Variants in INPP5A observed in about 807,000 individuals in gnomAD.
INPP5A encodes 43 kDa inositol polyphosphate 5-phophatase.
INPP5A carries 14 observed loss-of-function variants against 65.2 expected under a neutral mutation model. The ratio of observed to expected loss-of-function variants is 0.21; its 90% CI spans 0.14 to 0.34. The LOEUF is 0.34. Among genes scored for constraint, INPP5A ranks in the 10% least tolerant of loss-of-function variants. INPP5A has a pLI of 1.00. For synonymous variants in INPP5A, 207 were observed against 208.3 expected (o/e 0.99, Z 0.05); for missense variants, 431 against 545.6 (o/e 0.79, Z 2.09).
Position 132,765,827 on chromosome 10 carries a change from G to A in INPP5A, c.958G>A (p.Asp320Asn), listed in dbSNP as rs778381373. The A allele has an allele frequency of 5.0e-6, 8 of 1,602,976 alleles. No individual in the cohort carries two copies. In the South Asian group the frequency reaches 8.8e-5, roughly 18 times the overall value. Reference sequence around the variant, plus strand: ...CTTTAAGGACAGACTGTATGAACTGGACATCTCGTTCCCTCCCAGGTATGG... The same window carrying A: ...CTTTAAGGACAGACTGTATGAACTGAACATCTCGTTCCCTCCCAGGTATGG... Reference protein sequence around the residue: ...SVFKDRLYELDISFPPSYPYS... With the variant: ...SVFKDRLYELNISFPPSYPYS... The change falls in exon 12 of 16, where the codon GAC (aspartate) becomes AAC (asparagine). Residue 320 changes from aspartate (D) to asparagine (N), a missense_variant. Transcript: ENST00000368594.
At chr10:132,730,769 C>G (rs905389766) in intron 9 of INPP5A, among the ~76,000 whole-genome samples, 1 of 152,196 alleles carries the variant, frequency 6.6e-6, no homozygotes, top group African/African-American at 2.4e-5. Flanking sequence ...GTTGGCGTGT[C>G]CTGCTGTGAG....
chr10:132,635,782 T>A (rs189591282), intron 2 of INPP5A, among the ~76,000 whole-genome samples: 56 of 151,124 alleles, frequency 3.7e-4, no homozygotes, highest in Non-Finnish European at 1.5e-5. Context: ...CTGAGCAACA[T>A]AGCAAGATCC....
At chr10:132,572,882 C>T (rs1468593981) in intron 1 of INPP5A, among the ~76,000 whole-genome samples, 2 of 152,174 alleles carry the variant, frequency 1.3e-5, no homozygotes, top group Non-Finnish European at 2.9e-5. Flanking sequence ...ATTGAAAGAA[C>T]TTGTTTAAAG....
Position 132,660,012 on chromosome 10 carries a change from G to A in INPP5A, c.306+9507G>A, listed in dbSNP as rs186401642. On this transcript the variant is annotated intron_variant, in intron 4 of 15. Coordinates refer to ENST00000368594, the MANE Select transcript of INPP5A (RefSeq NM_005539.5). The stretch of plus-strand genomic sequence containing the variant: ...CAACACATTCTCATGCTCCGCCGAC[G>A]CGTGACCCACGGCACGTTCCCGCGC... Among the ~76,000 whole-genome samples, 399 of 152,336 alleles carry A rather than the reference G, an allele frequency of 2.6e-3. 1 individual carries two copies. Among genetic ancestry groups the A allele is most frequent in the African/African-American group, 9.2e-3 (383 of 41,584 alleles).
At position 132,596,807 on chromosome 10, in the gene INPP5A, TTGTG is replaced by T. The variant is rs565644183; in HGVS notation, c.76-11102_76-11099del. On this transcript the variant is annotated intron_variant, in intron 1 of 15. Transcript: ENST00000368594. ...TGCAGGCTCCTGTACATGTGCGCGT[TTGTG>T]TGTGTCCATGTGTTTGCTTGTGTGC... Among the ~76,000 whole-genome samples, 6 of 134,894 alleles carry T rather than the reference TTGTG, an allele frequency of 4.4e-5. No homozygotes were observed. The South Asian group carries it at 1.5e-3, about 34-fold the overall frequency. The allele number at this position is 134,894 out of a possible 152,430, so 88.5% of individuals were successfully genotyped here. A position where few individuals can be genotyped will look rare whatever the true frequency, so the allele number is the denominator to read the frequency against.
intron 1 of INPP5A, among the ~76,000 whole-genome samples, chr10:132,596,679 C>T (rs990301981): frequency 6.6e-6 from 1 of 152,218 alleles, no homozygotes; most frequent in Admixed American, 6.5e-5. Flanking sequence ...ATCCACCCTC[C>T]TTGGCCTCCC....
intron 1 of INPP5A, among the ~76,000 whole-genome samples, chr10:132,579,276 C>T (rs1049046291): frequency 2.0e-5 from 3 of 151,960 alleles, no homozygotes; most frequent in African/African-American, 7.3e-5. Flanking sequence ...GAGTGGGGCT[C>T]CTGGTGTCTG....
chr10:132,765,436 G>A (rs535042070), intron 11 of INPP5A, among the ~76,000 whole-genome samples: 1 of 152,352 alleles, frequency 6.6e-6, no homozygotes, highest in African/African-American at 2.4e-5. Context: ...TGCTGGGGGA[G>A]CCAGCACTAG....
intron 11 of INPP5A, among the ~76,000 whole-genome samples, chr10:132,764,828 G>C (rs563263923): frequency 7.0e-6 from 1 of 142,176 alleles, no homozygotes; most frequent in South Asian, 2.4e-4. Flanking sequence ...GAGGGTGTGT[G>C]TGGTGACACT....
chr10:132,775,204 AGAG>A (rs1285247290), intron 12 of INPP5A, among the ~76,000 whole-genome samples: 168 of 10,480 alleles, frequency 0.016, 1 homozygote, highest in Middle Eastern at 0.1. Flanking sequence ...GGCAGGGAGG[AGAG>A]GGGGCAGGGG....
chr10:132,745,616 C>T lies in INPP5A; in HGVS notation c.733-3901C>T, dbSNP rs541427806. 4.3e-5 allele frequency among the ~76,000 whole-genome samples: 5 copies of T among 115,370 alleles called. No homozygotes were observed. The East Asian group carries it at 1.2e-3, about 27-fold the overall frequency. 75.7% of individuals were successfully genotyped at this position (115,370 alleles called of 152,430 possible). A position where few individuals can be genotyped will look rare whatever the true frequency, so the allele number is the denominator to read the frequency against. On this transcript the variant is annotated intron_variant, in intron 9 of 15. Coordinates refer to ENST00000368594, the MANE Select transcript of INPP5A (RefSeq NM_005539.5). ...TGTGGTGGGCCCACAGTGTGTCAGA[C>T]CCTGGGTGTGGTGGGCCTCGGGCGT...
intron 4 of INPP5A, among the ~76,000 whole-genome samples, chr10:132,656,436 C>G (rs1373367573): frequency 6.6e-6 from 1 of 152,228 alleles, no homozygotes. Flanking sequence ...TCCAGGGACA[C>G]CCCTGCCCCC....
chr10:132,663,994 G>A lies in INPP5A; in HGVS notation c.306+13489G>A, dbSNP rs562018465. On this transcript the variant is annotated intron_variant, in intron 4 of 15. Transcript: ENST00000368594. The surrounding 1 kb of genome is among the most constrained non-coding windows in gnomAD (Gnocchi z 4.5). ...AGCCCAGGAAACAAACACGCCGCGCGAAAGGTATTGGTGAACGAACTGAAA... is the reference window on the plus strand; with the variant it reads ...AGCCCAGGAAACAAACACGCCGCGCAAAAGGTATTGGTGAACGAACTGAAA... Among the ~76,000 whole-genome samples, 3 of 152,394 alleles carry A rather than the reference G, an allele frequency of 2.0e-5. No homozygotes were observed. Among genetic ancestry groups the A allele is most frequent in the African/African-American group, 4.8e-5 (2 of 41,602 alleles).
At chr10:132,553,870 G>T (rs558518697) in intron 1 of INPP5A, among the ~76,000 whole-genome samples, 1 of 146,498 alleles carries the variant, frequency 6.8e-6, no homozygotes, top group East Asian at 2.2e-4. Context: ...AGCCTTGGTG[G>T]CATATTGGGT....
intron 1 of INPP5A, among the ~76,000 whole-genome samples, chr10:132,557,540 C>A (rs2071142984): frequency 6.6e-6 from 1 of 152,178 alleles, no homozygotes; most frequent in Non-Finnish European, 1.5e-5. Flanking sequence ...TGTGTAGGGC[C>A]GAGTCAATTT....
intron 4 of INPP5A, among the ~76,000 whole-genome samples, chr10:132,662,716 C>T (rs1035472542): frequency 2.0e-5 from 3 of 152,154 alleles, no homozygotes; most frequent in African/African-American, 7.2e-5. Context: ...AGGCAGCTGT[C>T]CCTTCCACAC....
At chr10:132,615,717 G>T (rs1306228187) in intron 2 of INPP5A, among the ~76,000 whole-genome samples, 5 of 152,198 alleles carry the variant, frequency 3.3e-5, no homozygotes, top group Non-Finnish European at 7.3e-5. Flanking sequence ...ACTGAGGTGG[G>T]CACCCTTGCT....
At chr10:132,755,062 TGC>T (rs1846569025) in intron 11 of INPP5A, among the ~76,000 whole-genome samples, 1 of 151,802 alleles carries the variant, frequency 6.6e-6, no homozygotes, top group Non-Finnish European at 1.5e-5. Flanking sequence ...TGTGATCATA[TGC>T]GTGTGTGTGA....
rs1210692866 is a variant in INPP5A at position 132,637,448 on chromosome 10, T to C, written c.118-8420T>C. On this transcript the variant is annotated intron_variant, in intron 2 of 15. Coordinates refer to ENST00000368594, the MANE Select transcript of INPP5A (RefSeq NM_005539.5). The surrounding 1 kb of genome is among the most constrained non-coding windows in gnomAD (Gnocchi z 4.1). ...TCTGTTTTGAAGTTTTCCTGGGTTA[T>C]AGTTTTAAATGTTAGGTGTTTCGGG... 6.6e-6 allele frequency among the ~76,000 whole-genome samples: 1 copy of C among 152,184 alleles called. No individual in the cohort carries two copies. The highest frequency in any genetic ancestry group is 2.4e-5 in the African/African-American group (1 of 41,444).
Sources: allele counts gnomAD v4.1 joint callset (sites outside exome capture counted in the v4.1 genomes callset), GRCh38; gene constraint gnomAD v4.1.1; non-coding constraint Gnocchi (gnomAD v3.1); transcripts MANE v1.5; gene names NCBI Gene and HGNC (gene_info 2026-07-23, HGNC 2026-07-21).